SUCLA2: variants seen among roughly 807,000 people sequenced by gnomAD.
SUCLA2 encodes succinate-CoA ligase ADP-forming subunit beta.
Under a neutral mutation model 54.8 loss-of-function variants are expected in SUCLA2, and 30 were observed. That is an observed-to-expected ratio of 0.55 (90% CI 0.41 to 0.74). SUCLA2 has a LOEUF of 0.74. Ranked by LOEUF, SUCLA2 falls within the 30% of genes least tolerant of loss-of-function variation. The probability of loss-of-function intolerance (pLI) is 0.00; values close to 1 mark genes in which losing one functional copy is unlikely to be tolerated. For synonymous variants in SUCLA2, 172 were observed against 188.9 expected, an observed-to-expected ratio of 0.91 and a Z score of 0.74; for missense variants, 476 against 562.9, an observed-to-expected ratio of 0.85 and a Z score of 1.56.
intron 6 of SUCLA2, among the ~76,000 whole-genome samples, chr13:47,962,680 G>C (rs1949880493): frequency 2.0e-5 from 3 of 152,010 alleles, no homozygotes; most frequent in Admixed American, 2.0e-4. Context: ...CTATGGTATG[G>C]AGCTGCCTAT....
chr13:47,976,547 G>A (rs181824572), intron 4 of SUCLA2, among the ~76,000 whole-genome samples: 32 of 152,176 alleles, frequency 2.1e-4, no homozygotes, highest in African/African-American at 7.5e-4. Flanking sequence ...GATGCCTGTG[G>A]GGCATCGAGA....
At chr13:47,989,546 A>G (rs1226564394) in intron 2 of SUCLA2, among the ~76,000 whole-genome samples, 1 of 68,006 alleles carries the variant, frequency 1.5e-5, no homozygotes, top group Non-Finnish European at 4.4e-5. Flanking sequence ...ACATTAAACC[A>G]TTTCTTAAAA....
intron 5 of SUCLA2, among the ~76,000 whole-genome samples, chr13:47,969,856 C>T (rs906106850): frequency 6.6e-6 from 1 of 152,106 alleles, no homozygotes; most frequent in Admixed American, 6.5e-5. Context: ...AATACCAGCA[C>T]TTTGGGAGGA....
chr13:47,997,551 T>G (rs1424670543), intron 1 of SUCLA2, among the ~76,000 whole-genome samples: 1 of 152,206 alleles, frequency 6.6e-6, no homozygotes, highest in African/African-American at 2.4e-5. Context: ...GACCAAGGCA[T>G]TCATAGCCCC....
intron 6 of SUCLA2, among the ~76,000 whole-genome samples, chr13:47,961,658 T>C (rs559629573): frequency 6.6e-6 from 1 of 152,318 alleles, no homozygotes; most frequent in South Asian, 2.1e-4. Flanking sequence ...TTATATTTAT[T>C]TAGATATGTT....
chr13:47,986,700 A>C (rs1031241449), intron 4 of SUCLA2, among the ~76,000 whole-genome samples: 1 of 152,168 alleles, frequency 6.6e-6, no homozygotes, highest in South Asian at 2.1e-4. Context: ...TAAGTCTTTA[A>C]TCCATCTTGA....
intron 4 of SUCLA2, among the ~76,000 whole-genome samples, chr13:47,982,207 T>C (rs962741324): frequency 6.6e-6 from 1 of 152,068 alleles, no homozygotes; most frequent in Non-Finnish European, 1.5e-5. Flanking sequence ...TGAATGTCCA[T>C]CAAAAGATGA....
intron 6 of SUCLA2, among the ~76,000 whole-genome samples, chr13:47,955,559 T>G (rs1350771195): frequency 6.6e-6 from 1 of 152,102 alleles, no homozygotes; most frequent in South Asian, 2.1e-4. Context: ...TTTAAAGGAT[T>G]ATGAAGTCAA....
intron 10 of SUCLA2, among the ~76,000 whole-genome samples, chr13:47,943,782 T>TATATATATATATATATA (rs879679737): frequency 2.5e-5 from 3 of 118,816 alleles, no homozygotes; most frequent in African/African-American, 7.6e-5. Flanking sequence ...ATATATATAT[T>TATATATATATATATATA]ATTCTAAATT....
At chr13:47,981,974 G>C (rs1364516799) in intron 4 of SUCLA2, among the ~76,000 whole-genome samples, 1 of 152,184 alleles carries the variant, frequency 6.6e-6, no homozygotes, top group Non-Finnish European at 1.5e-5. Context: ...GACATAGCGA[G>C]ACTCTGTCTC....
chr13:47,963,561 C>T (rs1245589490), intron 6 of SUCLA2, among the ~76,000 whole-genome samples: 1 of 152,134 alleles, frequency 6.6e-6, no homozygotes, highest in Non-Finnish European at 1.5e-5. Flanking sequence ...AGGAGAATCG[C>T]CTGAACCCGG....
At chr13:47,994,588 A>C (rs1041799849) in intron 2 of SUCLA2, among the ~76,000 whole-genome samples, 7 of 151,688 alleles carry the variant, frequency 4.6e-5, no homozygotes, top group South Asian at 4.2e-4. Context: ...AAAAAAAAAA[A>C]ACCACGAAAT....
At chr13:48,000,521 C>T (rs1407887014) in intron 1 of SUCLA2, among the ~76,000 whole-genome samples, 1 of 152,208 alleles carries the variant, frequency 6.6e-6, no homozygotes, top group Non-Finnish European at 1.5e-5. Flanking sequence ...CATTACCTGG[C>T]ACACATCAAA....
intron 5 of SUCLA2, among the ~76,000 whole-genome samples, chr13:47,970,538 T>C (rs1006494005): frequency 2.0e-5 from 3 of 152,164 alleles, no homozygotes; most frequent in Admixed American, 6.5e-5. Flanking sequence ...TCAGAAACAT[T>C]TATCTCCTTA....
rs9591127 is a variant in SUCLA2 at position 47,985,152 on chromosome 13, A to G, written c.534+3389T>C. On this transcript the variant is annotated intron_variant, in intron 4 of 10. Coordinates refer to ENST00000646932, the MANE Select transcript of SUCLA2 (RefSeq NM_003850.3). The stretch of plus-strand genomic sequence containing the variant: ...ACTAAAGACCAGTAGAACCTATGAT[A>G]CATCTCCTAAAAACAAGTCAGTAAT... Among the ~76,000 whole-genome samples, 1,287 of 152,348 alleles carry G rather than the reference A, an allele frequency of 8.4e-3. 15 individuals are homozygous for G. Among genetic ancestry groups the G allele is most frequent in the African/African-American group, 0.028 (1,147 of 41,578 alleles).
chr13:47,962,681 A>G (rs532514869), intron 6 of SUCLA2, among the ~76,000 whole-genome samples: 1 of 152,052 alleles, frequency 6.6e-6, no homozygotes, highest in East Asian at 1.9e-4. Context: ...TATGGTATGG[A>G]GCTGCCTATG....
In SUCLA2 at chr13:47,943,455, A is replaced by T. The variant is rs1011520952; in HGVS notation, c.1318-10T>A. On this transcript the variant is annotated splice_polypyrimidine_tract_variant and intron_variant, in intron 10 of 10. Transcript: ENST00000646932. ...CAGAGAGCTTTACAACCTAAAAGAAAAGAACGAAGAATTTTCACAAAAAGG... is the reference window on the plus strand; with the variant it reads ...CAGAGAGCTTTACAACCTAAAAGAATAGAACGAAGAATTTTCACAAAAAGG... 5.0e-6 allele frequency: 8 copies of T among 1,613,508 alleles called. No individual in the cohort carries two copies. The African/African-American group carries it at 9.3e-5, about 19-fold the overall frequency.
intron 6 of SUCLA2, among the ~76,000 whole-genome samples, chr13:47,964,915 C>T (rs1949905586): frequency 6.6e-6 from 1 of 151,564 alleles, no homozygotes; most frequent in East Asian, 1.9e-4. Flanking sequence ...TAACAACCTC[C>T]TGAAAGTCTG....
At chr13:47,988,748 GA>G in intron 3 of SUCLA2, 45 bp from the exon 4 acceptor site, 2 of 1,610,442 alleles carry the variant, frequency 1.2e-6, no homozygotes, top group South Asian at 2.2e-5. Context: ...CTCCAGTTGA[GA>G]AAAAGCAAAT....
Sources: gnomAD v4.1 joint callset for allele counts (sites outside exome capture counted in the v4.1 genomes callset) on GRCh38, gnomAD v4.1.1 for gene constraint, MANE v1.5 for transcripts, NCBI Gene and HGNC (gene_info 2026-07-23, HGNC 2026-07-21) for gene names.